Variants in BANP observed in about 807,000 individuals in gnomAD.
The protein encoded by BANP is protein BANP.
Under a neutral mutation model 68.1 loss-of-function variants are expected in BANP, and 11 were observed. The observed-to-expected ratio is 0.16, with a 90% CI of 0.10 to 0.27. The LOEUF (loss-of-function observed/expected upper bound fraction) is 0.27, where lower values mean the gene tolerates loss of function less well. Among genes scored for constraint, BANP ranks in the 10% least tolerant of loss-of-function variants. BANP has a pLI of 1.00. For missense variants in BANP, 504 were observed against 722.7 expected (o/e 0.70, Z 3.47); for synonymous variants, 329 against 303.2 (o/e 1.09, Z -0.88).
At chr16:87,995,343 C>T (rs1417235636) in intron 4 of BANP, among the ~76,000 whole-genome samples, 2 of 152,166 alleles carry the variant, frequency 1.3e-5, no homozygotes, top group African/African-American at 2.4e-5. Flanking sequence ...TACGTCAAAC[C>T]AGTTTCTTCT....
At chr16:88,046,739 G>A (rs2082107026) in intron 11 of BANP, among the ~76,000 whole-genome samples, 1 of 151,918 alleles carries the variant, frequency 6.6e-6, no homozygotes, top group African/African-American at 2.4e-5. Context: ...GTAGACACGG[G>A]GTTTCACCGT....
At chr16:88,008,965 G>A (rs1040337994) in intron 6 of BANP, among the ~76,000 whole-genome samples, 1 of 152,228 alleles carries the variant, frequency 6.6e-6, no homozygotes, top group Non-Finnish European at 1.5e-5. Context: ...ATATCCCAGT[G>A]GGGTCGGTGT....
At chr16:87,979,098 C>T (rs1176853889) in intron 2 of BANP, among the ~76,000 whole-genome samples, 2 of 152,058 alleles carry the variant, frequency 1.3e-5, no homozygotes, top group African/African-American at 4.8e-5. Flanking sequence ...AACTGCAGGA[C>T]GATTCAGCAT....
chr16:88,017,764 G>A (rs753713362), intron 6 of BANP, among the ~76,000 whole-genome samples: 9 of 152,216 alleles, frequency 5.9e-5, no homozygotes, highest in Non-Finnish European at 1.3e-4. Flanking sequence ...CATGTGGAGT[G>A]TGGGCCTGTC....
intron 12 of BANP, among the ~76,000 whole-genome samples, chr16:88,068,742 C>G (rs1373933644): frequency 6.6e-6 from 1 of 152,174 alleles, no homozygotes; most frequent in African/African-American, 2.4e-5. Flanking sequence ...TCCCCAGCCC[C>G]CTTTCCAAGT....
intron 12 of BANP, among the ~76,000 whole-genome samples, chr16:88,070,279 G>C (rs1195364243): frequency 6.6e-6 from 1 of 152,114 alleles, no homozygotes; most frequent in East Asian, 1.9e-4. Flanking sequence ...AACCCTTGTG[G>C]TGTTCAAGGG....
At chr16:87,988,399 G>C (rs1323163844) in intron 4 of BANP, among the ~76,000 whole-genome samples, 2 of 151,874 alleles carry the variant, frequency 1.3e-5, no homozygotes, top group Non-Finnish European at 2.9e-5. Flanking sequence ...GAGTAGCTGG[G>C]ATTACAGGTG....
At chr16:87,986,684 C>CT (rs2064514234) in intron 4 of BANP, among the ~76,000 whole-genome samples, 2 of 152,186 alleles carry the variant, frequency 1.3e-5, no homozygotes, top group Admixed American at 1.3e-4. Flanking sequence ...AGTCACAGAC[C>CT]TGCCGTGGCA....
chr16:87,954,714 G>GC (rs2057703197), intron 1 of BANP, among the ~76,000 whole-genome samples: 1 of 152,232 alleles, frequency 6.6e-6, no homozygotes, highest in African/African-American at 2.4e-5. Flanking sequence ...CCACGCCTGT[G>GC]CCCCCGGTGC....
intron 4 of BANP, among the ~76,000 whole-genome samples, chr16:87,984,965 G>T (rs149806963): frequency 3.9e-5 from 6 of 152,214 alleles, no homozygotes; most frequent in South Asian, 2.1e-4. Flanking sequence ...CTCACTTCAG[G>T]TTCCCTGGCC....
intron 4 of BANP, among the ~76,000 whole-genome samples, chr16:87,997,031 G>C (rs368778914): frequency 2.6e-4 from 39 of 152,278 alleles, no homozygotes; most frequent in African/African-American, 9.4e-4. Context: ...AGGTGCTTAG[G>C]GCTCTGTGAT....
intron 11 of BANP, among the ~76,000 whole-genome samples, chr16:88,056,923 A>G (rs1289623021): frequency 6.6e-6 from 1 of 152,240 alleles, no homozygotes; most frequent in Non-Finnish European, 1.5e-5. Context: ...TGTTTGAGCC[A>G]TTTAAAACTA....
chr16:87,980,957 C>G (rs2063142697), intron 2 of BANP, 79 bp from the exon 3 acceptor site: 2 of 962,148 alleles, frequency 2.1e-6, no homozygotes, highest in African/African-American at 1.6e-5. Context: ...GGTGTCAGCA[C>G]TGTTTACTAT....
intron 4 of BANP, among the ~76,000 whole-genome samples, chr16:87,989,039 G>C (rs2065201885): frequency 6.6e-6 from 1 of 152,104 alleles, no homozygotes; most frequent in South Asian, 2.1e-4. Context: ...TGCCTCGCTT[G>C]GCATTTTGGA....
At chr16:88,005,344 G>T (rs570317313) in intron 5 of BANP, among the ~76,000 whole-genome samples, 1 of 152,182 alleles carries the variant, frequency 6.6e-6, no homozygotes, top group Non-Finnish European at 1.5e-5. Flanking sequence ...CTCTGGGTGC[G>T]GCCAGTGTTT....
intron 4 of BANP, among the ~76,000 whole-genome samples, chr16:87,985,615 G>C (rs1364304094): frequency 6.6e-6 from 1 of 152,132 alleles, no homozygotes; most frequent in African/African-American, 2.4e-5. Flanking sequence ...TTATTAGACT[G>C]TCCTAGCTAT....
intron 13 of BANP, among the ~76,000 whole-genome samples, chr16:88,073,291 G>T (rs1247268618): frequency 1.3e-5 from 2 of 152,226 alleles, no homozygotes; most frequent in Non-Finnish European, 2.9e-5. Flanking sequence ...TCACAGCGGG[G>T]CAGCTGCGGG....
chr16:87,975,018 C>G lies in BANP; in HGVS notation c.-68-30C>G, dbSNP rs75851847. On this transcript the variant is annotated intron_variant, in intron 1 of 13. Coordinates refer to ENST00000682872, the MANE Select transcript of BANP (RefSeq NM_001386991.1). ...TTCACGTGTAGCGATGGTTAATGTC[C>G]TCTCCTCCTCCTTTGCTTCTGTTTG... is the stretch of plus-strand genomic sequence containing the variant. 9.8e-4 allele frequency: 997 copies of G among 1,020,060 alleles called. 3 individuals carry two copies. The African/African-American group carries it at 0.014, about 14-fold the overall frequency. 63.2% of individuals were successfully genotyped at this position (1,020,060 alleles called of 1,614,324 possible).
chr16:87,983,458 A>G (rs2063686706), intron 3 of BANP, among the ~76,000 whole-genome samples: 1 of 152,032 alleles, frequency 6.6e-6, no homozygotes, highest in Non-Finnish European at 1.5e-5. Context: ...CCGGCACGTG[A>G]CTGCTCACTG....
Sources: gnomAD v4.1 joint callset for allele counts (sites outside exome capture counted in the v4.1 genomes callset) on GRCh38, gnomAD v4.1.1 for gene constraint, MANE v1.5 for transcripts, NCBI Gene and HGNC (gene_info 2026-07-23, HGNC 2026-07-21) for gene names.